The following DOT1L variants were observed in gnomAD, a reference collection of about 807,000 sequenced individuals.
DOT1L encodes histone-lysine N-methyltransferase, H3 lysine-79 specific.
A neutral mutation model predicts 153.3 loss-of-function variants in DOT1L; 33 were observed. The observed-to-expected ratio is 0.22, with a 90% CI of 0.16 to 0.29. DOT1L has a LOEUF of 0.29. Ranked by LOEUF, DOT1L falls within the 10% of genes least tolerant of loss-of-function variation. The pLI, the probability that DOT1L is intolerant of heterozygous loss-of-function variation, is 1.00. For missense variants in DOT1L, 1,847 were observed against 2,119.9 expected (o/e 0.87, Z 2.53); for synonymous variants, 1,135 against 965.1 (o/e 1.18, Z -3.26).
At chr19:2,206,654 C>CTCA in intron 9 of DOT1L, 75 bp from the exon 10 acceptor site, 1 of 1,459,860 alleles carries the variant, frequency 6.8e-7, no homozygotes, top group Non-Finnish European at 9.6e-7. Flanking sequence ...ATTGTTCCTT[C>CTCA]TCTGTCACCT....
rs185000250 is a variant in DOT1L, at chr19:2,192,845, C to T, written c.494-844C>T. Among the ~76,000 whole-genome samples, 43 of 152,266 alleles carry T rather than the reference C, an allele frequency of 2.8e-4. 1 individual carries two copies. The highest frequency in any genetic ancestry group is 7.5e-4 in the African/African-American group (31 of 41,546). On this transcript the variant is annotated intron_variant, in intron 5 of 27. Transcript: ENST00000398665. The stretch of plus-strand genomic sequence containing the variant: ...CCAGCCTGGGTGACAGAATCAGACC[C>T]TGTCTCAAAAACAAAAAATTAAAAA...
At chr19:2,196,647 C>T (rs554302579) in intron 7 of DOT1L, among the ~76,000 whole-genome samples, 51 of 152,266 alleles carry the variant, frequency 3.3e-4, no homozygotes, top group South Asian at 1.9e-3. Context: ...GGGTTTCCTA[C>T]GTTGACAGTT....
Position 2,197,324 on chromosome 19 carries a change from C to T in DOT1L, c.652-2560C>T, listed in dbSNP as rs1172876138. Among the ~76,000 whole-genome samples, 1 of 152,176 alleles carries T rather than the reference C, an allele frequency of 6.6e-6. No homozygotes were observed. Among genetic ancestry groups the T allele is most frequent in the Non-Finnish European group, 1.5e-5 (1 of 68,030 alleles). On this transcript the variant is annotated intron_variant, in intron 7 of 27. Transcript: ENST00000398665. The surrounding 1 kb of genome is among the most constrained non-coding windows in gnomAD (Gnocchi z 4.1). Reference sequence around the variant, plus strand: ...CCACTTGCACTCTGGCCGGAAGTTCCCACATGGGTTCCTGGCTGTGGCAGG... The same window carrying T: ...CCACTTGCACTCTGGCCGGAAGTTCTCACATGGGTTCCTGGCTGTGGCAGG...
In DOT1L at chr19:2,206,696, C is replaced by T. The variant is rs367900456; in HGVS notation, c.788-33C>T. ...GTGTCTGCTCTTCTGTTTCCTCTCT[C>T]CTGTGTGGCAGTAAGCAGTGTCTGT... On this transcript the variant is annotated intron_variant, in intron 9 of 27. Transcript: ENST00000398665. The T allele has an allele frequency of 8.1e-5, 131 of 1,611,884 alleles. 1 individual carries two copies. The African/African-American group carries it at 1.6e-3, about 19-fold the overall frequency.
intron 9 of DOT1L, among the ~76,000 whole-genome samples, chr19:2,203,091 T>C (rs1444810269): frequency 6.6e-6 from 1 of 151,652 alleles, no homozygotes; most frequent in African/African-American, 2.4e-5. Flanking sequence ...TCAGCTAATT[T>C]TTGTTTTTAT....
At position 2,197,600 on chromosome 19, in the gene DOT1L, G is replaced by C. The variant is rs2023077049; in HGVS notation, c.652-2284G>C. On this transcript the variant is annotated intron_variant, in intron 7 of 27. Transcript: ENST00000398665. The surrounding 1 kb of genome is among the most constrained non-coding windows in gnomAD (Gnocchi z 4.1). ...ACACGGCTGAGCAGCATGGTGTCTA[G>C]TGTGGCACAGGTGCTCCTGGCATGG... is the stretch of plus-strand genomic sequence containing the variant. 6.6e-6 allele frequency among the ~76,000 whole-genome samples: 1 copy of C among 152,212 alleles called. No individual in the cohort carries two copies. The highest frequency in any genetic ancestry group is 6.5e-5 in the Admixed American group (1 of 15,284).
Position 2,223,355 on chromosome 19 carries a change from G to T in DOT1L, c.3465G>T (p.Val1155=). 6.2e-7 allele frequency: 1 copy of T among 1,613,742 alleles called. No individual in the cohort carries two copies. The highest frequency in any genetic ancestry group is 1.3e-5 in the African/African-American group (1 of 74,960). Residue 1155 remains valine, a synonymous_variant, in exon 25 of 28, where the codon GTG becomes GTT. Transcript: ENST00000398665. ...AGACCTCCCTGAAGAGCTCCCCTGTGCCCTACCAGGACCACGACCAGCCCC... is the reference window on the plus strand; with the variant it reads ...AGACCTCCCTGAAGAGCTCCCCTGTTCCCTACCAGGACCACGACCAGCCCC... ...SPETSLKSSP[V]PYQDHDQPPV...
In DOT1L at chr19:2,223,469, C is replaced by G. The variant is rs370654948; in HGVS notation, c.3579C>G (p.Asp1193Glu). The change falls in exon 25 of 28, where the codon GAC becomes GAG. Residue 1193 changes from aspartate (D) to glutamate (E), a missense_variant. Asp to Glu is a conservative substitution (Grantham distance 45, BLOSUM62 2). Coordinates refer to ENST00000398665, the MANE Select transcript of DOT1L (RefSeq NM_032482.3). ...CAGACGAGGAGCCAGGCTCTGAGGA[C>G]GAGCCCAGCAGTGCTCGGCGAGTCC... ...LTSDEEPGSEDEPSSARIERK... is the reference protein window; with the variant it reads ...LTSDEEPGSEEEPSSARIERK... The G allele has an allele frequency of 3.1e-6, 5 of 1,609,456 alleles. No individual in the cohort carries two copies. Among genetic ancestry groups the G allele is most frequent in the Non-Finnish European group, 3.4e-6 (4 of 1,178,190 alleles).
In DOT1L at chr19:2,208,722, G is replaced by C. The variant is rs989966884; in HGVS notation, c.964-213G>C. ...TAAACCAGCCCCGCCCACCCGTCGC[G>C]TGCTGGTGAATTGAGGGTGACGCCT... On this transcript the variant is annotated intron_variant, in intron 11 of 27. Coordinates refer to ENST00000398665, the MANE Select transcript of DOT1L (RefSeq NM_032482.3). The surrounding 1 kb of genome is among the most constrained non-coding windows in gnomAD (Gnocchi z 4.4). Among the ~76,000 whole-genome samples the C allele has an allele frequency of 1.4e-4, 21 of 152,186 alleles. No individual in the cohort carries two copies. Among genetic ancestry groups the C allele is most frequent in the African/African-American group, 5.1e-4 (21 of 41,450 alleles).
intron 2 of DOT1L, 27 bp from the exon 3 acceptor site, chr19:2,185,828 C>T (rs754713749): frequency 5.2e-5 from 84 of 1,612,116 alleles, no homozygotes; most frequent in Non-Finnish European, 6.6e-5. Context: ...CAAACCCTTC[C>T]TGATCGTTTC....
rs780887887 is a variant in DOT1L at position 2,226,560 on chromosome 19, C to G, written c.4039C>G (p.Leu1347Val). Residue 1347 changes from leucine (L) to valine (V), a missense_variant, in exon 27 of 28, where the codon CTG (leucine) becomes GTG (valine). Around this residue, in one of 8 missense-constraint regions of DOT1L, gnomAD observed 934 missense variants for 825.3 expected, o/e 1.13. Transcript: ENST00000398665. ...LPHKGPEAAG[L>V]SSPLSFPSQR... Reference sequence around the variant, plus strand: ...CCACAAGGGCCCCGAGGCGGCCGGCCTGAGCTCCCCGCTGAGCTTCCCCTC... The same window carrying G: ...CCACAAGGGCCCCGAGGCGGCCGGCGTGAGCTCCCCGCTGAGCTTCCCCTC... 6 of 1,600,456 alleles carry G rather than the reference C, an allele frequency of 3.7e-6. No individual in the cohort carries two copies. In the East Asian group the frequency reaches 1.1e-4, roughly 30 times the overall value.
intron 1 of DOT1L, among the ~76,000 whole-genome samples, chr19:2,168,372 T>C (rs1478199800): frequency 2.0e-5 from 3 of 152,076 alleles, no homozygotes; most frequent in Non-Finnish European, 2.9e-5. Context: ...CTGTGCTGAG[T>C]ACAAGGTCAG....
intron 10 of DOT1L, 36 bp downstream of exon 10, chr19:2,206,833 G>C: frequency 6.3e-7 from 1 of 1,595,552 alleles, no homozygotes. Flanking sequence ...ATGAACACGG[G>C]TAATTTTAAC....
chr19:2,195,926 C>A (rs575397271), intron 7 of DOT1L, among the ~76,000 whole-genome samples: 4 of 152,364 alleles, frequency 2.6e-5, no homozygotes, highest in African/African-American at 9.6e-5. Flanking sequence ...CAGTTCCAGT[C>A]CCCTCCCAGG....
intron 3 of DOT1L, among the ~76,000 whole-genome samples, chr19:2,187,923 G>GA (rs11453591): frequency 0.92 from 120,080 of 130,876 alleles, 55,131 homozygotes; most frequent in East Asian, 0.98. Context: ...CTCCATCTCA[G>GA]AAAAAAAAAA....
At chr19:2,178,153 A>C (rs1436885614) in intron 1 of DOT1L, among the ~76,000 whole-genome samples, 3 of 146,542 alleles carry the variant, frequency 2.0e-5, no homozygotes, top group African/African-American at 7.6e-5. Flanking sequence ...GCTGGTCTTG[A>C]ACTCCTGACC....
chr19:2,186,884 AGT>A (rs2022534964), intron 3 of DOT1L, among the ~76,000 whole-genome samples: 1 of 152,146 alleles, frequency 6.6e-6, no homozygotes, highest in Admixed American at 6.5e-5. Context: ...TCCCTGGTTT[AGT>A]ATGAAGAGTG....
Position 2,225,468 on chromosome 19 carries a change from T to C in DOT1L, c.3661+16T>C. ...TTGGAAAATGGTGAGTAACAAGTGT[T>C]TTGCGGCGTGGCCAGGCCTGTCCGT... On this transcript the variant is annotated intron_variant, in intron 26 of 27. Transcript: ENST00000398665. 1 of 1,613,882 alleles carries C rather than the reference T, an allele frequency of 6.2e-7. No homozygotes were observed. Among genetic ancestry groups the C allele is most frequent in the Non-Finnish European group, 8.5e-7 (1 of 1,179,920 alleles).
rs2022799564 is a variant in DOT1L, at chr19:2,191,640, A to C, written c.493+400A>C. 6.6e-6 allele frequency among the ~76,000 whole-genome samples: 1 copy of C among 152,054 alleles called. No individual in the cohort carries two copies. The highest frequency in any genetic ancestry group is 1.5e-5 in the Non-Finnish European group (1 of 67,998). ...AGCCTGCCGCAGTCCTTCCCTGGGC[A>C]CACCTGCTCCCTCCACAGCGGCTGG... is the stretch of plus-strand genomic sequence containing the variant. On this transcript the variant is annotated intron_variant, in intron 5 of 27. Transcript: ENST00000398665. This position sits in a 1 kb window ranked among gnomAD's most constrained non-coding sequence, Gnocchi z 6.8.
Sources: gnomAD v4.1 joint callset for allele counts (sites outside exome capture counted in the v4.1 genomes callset) on GRCh38, gnomAD v4.1.1 for gene constraint, gnomAD v4.1.1 regional missense constraint, Gnocchi (gnomAD v3.1) non-coding constraint, MANE v1.5 for transcripts, NCBI Gene and HGNC (gene_info 2026-07-23, HGNC 2026-07-21) for gene names.